CADPS2: variants seen among roughly 807,000 people sequenced by gnomAD.
CADPS2 encodes calcium dependent secretion activator 2.
In CADPS2, 93 loss-of-function variants were observed where a neutral mutation model predicts 172.5. That is an observed-to-expected ratio of 0.54 (90% CI 0.46 to 0.64). The LOEUF (loss-of-function observed/expected upper bound fraction) is 0.64. Among genes scored for constraint, CADPS2 ranks in the 30% least tolerant of loss-of-function variants. CADPS2 has a pLI of 0.00. For missense variants in CADPS2, 1,420 were observed against 1,565.9 expected, an observed-to-expected ratio of 0.91 and a Z score of 1.57; for synonymous variants, 546 against 555.2, an observed-to-expected ratio of 0.98 and a Z score of 0.23.
intron 2 of CADPS2, among the ~76,000 whole-genome samples, chr7:122,670,379 A>C (rs1048440859): frequency 6.6e-6 from 1 of 151,930 alleles, no homozygotes; most frequent in Non-Finnish European, 1.5e-5. Context: ...GGAGTTGGAG[A>C]CCAGCCTGGG....
Position 122,663,294 on chromosome 7 carries a change from A to C in CADPS2, c.729T>G (p.Phe243Leu), listed in dbSNP as rs765622664. 1 of 1,613,940 alleles carries C rather than the reference A, an allele frequency of 6.2e-7. No individual in the cohort carries two copies. Among genetic ancestry groups the C allele is most frequent in the Non-Finnish European group, 8.5e-7 (1 of 1,179,860 alleles). ...ILSKEQLYEM[F>L]QQILGIKKLE... ...GTTTTTTAATACCCAGAATCTGCTG[A>C]AACATTTCATAGAGTTGTTCCTTGC... The change falls in exon 3 of 30, where the codon TTT (phenylalanine) becomes TTG (leucine). Residue 243 changes from phenylalanine to leucine, a missense_variant. By Grantham distance (22) the Phe-to-Leu change is conservative. Coordinates refer to ENST00000449022, the MANE Select transcript of CADPS2 (RefSeq NM_017954.11).
intron 6 of CADPS2, among the ~76,000 whole-genome samples, chr7:122,604,393 C>T (rs1245130609): frequency 6.6e-6 from 1 of 152,048 alleles, no homozygotes; most frequent in Non-Finnish European, 1.5e-5. Context: ...TACTTTAATG[C>T]CCCCTTAGGA....
rs199846222 is a variant in CADPS2, at chr7:122,637,206, T to C, written c.787-7878A>G. Among the ~76,000 whole-genome samples the C allele has an allele frequency of 5.8e-3, 280 of 48,406 alleles. 11 individuals carry two copies. The East Asian group carries it at 0.076, about 13-fold the overall frequency. The allele number at this position is 48,406 out of a possible 152,430, so 31.8% of individuals were successfully genotyped here. On this transcript the variant is annotated intron_variant, in intron 3 of 29. Coordinates refer to ENST00000449022, the MANE Select transcript of CADPS2 (RefSeq NM_017954.11). ...TTTTTTTTTTTTTTTTTTTTTTTTT[T>C]TTCCTGAGACAGGGTCTCACTCTGT...
At position 122,322,961 on chromosome 7, in the gene CADPS2, A is replaced by G. The variant is rs554077854; in HGVS notation, c.3717+2516T>C. On this transcript the variant is annotated intron_variant, in intron 29 of 29. Coordinates refer to ENST00000449022, the MANE Select transcript of CADPS2 (RefSeq NM_017954.11). ...CTGCTGAACCATGCAGGCCAAGTCT[A>G]AGTGACCTGGATGGAAGGAAAGTCT... Among the ~76,000 whole-genome samples the G allele has an allele frequency of 5.9e-5, 9 of 152,300 alleles. No individual in the cohort carries two copies. The South Asian group carries it at 8.3e-4, about 14-fold the overall frequency.
chr7:122,357,419 T>C (rs1391295052), intron 27 of CADPS2: 3 of 152,184 alleles, frequency 2.0e-5, no homozygotes, highest in Non-Finnish European at 4.4e-5. Flanking sequence ...AGTGAGTTTA[T>C]CTCATACATT....
intron 1 of CADPS2, among the ~76,000 whole-genome samples, chr7:122,835,412 C>T (rs146532818): frequency 0.015 from 2,214 of 152,294 alleles, 50 homozygotes; most frequent in African/African-American, 0.051. Context: ...TCCTCGCCAG[C>T]AATGGAACAA....
chr7:122,626,766 T>C (rs996054995), intron 4 of CADPS2, among the ~76,000 whole-genome samples: 1 of 152,196 alleles, frequency 6.6e-6, no homozygotes, highest in Non-Finnish European at 1.5e-5. Context: ...TCAATAAATA[T>C]TTGGTCAATT....
intron 7 of CADPS2, among the ~76,000 whole-genome samples, chr7:122,559,790 A>T (rs2065503976): frequency 6.6e-6 from 1 of 150,934 alleles, no homozygotes; most frequent in Non-Finnish European, 1.5e-5. Flanking sequence ...AAAAAAAAAA[A>T]AAGGAAAAGA....
intron 15 of CADPS2, among the ~76,000 whole-genome samples, chr7:122,451,110 G>A (rs1231605775): frequency 6.6e-6 from 1 of 152,122 alleles, no homozygotes; most frequent in Admixed American, 6.6e-5. Context: ...GACTATGCAA[G>A]AATGAGAAAT....
chr7:122,501,268 A>G (rs1424285213), intron 9 of CADPS2, among the ~76,000 whole-genome samples: 1 of 152,066 alleles, frequency 6.6e-6, no homozygotes, highest in Non-Finnish European at 1.5e-5. Context: ...ACAAAACAAA[A>G]AAAACATTAT....
At chr7:122,671,575 C>A (rs1237859902) in intron 2 of CADPS2, among the ~76,000 whole-genome samples, 2 of 151,700 alleles carry the variant, frequency 1.3e-5, no homozygotes, top group Admixed American at 6.6e-5. Context: ...AAAAAAAAAA[C>A]TACTACTACT....
chr7:122,387,753 ATC>A (rs1324670755), intron 23 of CADPS2, among the ~76,000 whole-genome samples: 1 of 152,096 alleles, frequency 6.6e-6, no homozygotes, highest in East Asian at 1.9e-4. Flanking sequence ...TTGCTGAAGT[ATC>A]CTATGAAAAT....
At chr7:122,691,950 T>C (rs1407585171) in intron 2 of CADPS2, among the ~76,000 whole-genome samples, 1 of 152,196 alleles carries the variant, frequency 6.6e-6, no homozygotes. Flanking sequence ...TAACCATTAA[T>C]AAACACAGCT....
intron 3 of CADPS2, among the ~76,000 whole-genome samples, chr7:122,642,508 T>TA (rs2077774324): frequency 6.6e-6 from 1 of 150,518 alleles, no homozygotes; most frequent in South Asian, 2.1e-4. Context: ...AAGAAAATGT[T>TA]AAACGTAGCA....
At chr7:122,625,755 ATC>A (rs143167320) in intron 4 of CADPS2, among the ~76,000 whole-genome samples, 27 of 148,646 alleles carry the variant, frequency 1.8e-4, no homozygotes, top group South Asian at 1.7e-3. Context: ...AACGCAATCA[ATC>A]TCTCTCTCTC....
At chr7:122,673,164 G>A (rs771816070) in intron 2 of CADPS2, among the ~76,000 whole-genome samples, 5 of 152,190 alleles carry the variant, frequency 3.3e-5, no homozygotes, top group Admixed American at 6.5e-5. Context: ...AAGGCGGTGC[G>A]GACCCAAAGA....
intron 8 of CADPS2, among the ~76,000 whole-genome samples, chr7:122,534,883 C>T (rs1053361154): frequency 6.6e-6 from 1 of 152,034 alleles, no homozygotes; most frequent in Non-Finnish European, 1.5e-5. Context: ...TGGCAATTAG[C>T]AGAACCTCTA....
intron 2 of CADPS2, chr7:122,699,251 A>T (rs1464687131): frequency 4.9e-6 from 1 of 205,950 alleles, no homozygotes; most frequent in East Asian, 1.1e-4. Context: ...AAATGCTGTT[A>T]TGGGTGATTT....
At chr7:122,609,523 C>T (rs2074025012) in intron 6 of CADPS2, among the ~76,000 whole-genome samples, 1 of 152,018 alleles carries the variant, frequency 6.6e-6, no homozygotes, top group South Asian at 2.1e-4. Flanking sequence ...ACAGTTTATC[C>T]ACACTCTCTT....
Sources: gnomAD v4.1 joint callset for allele counts (sites outside exome capture counted in the v4.1 genomes callset) on GRCh38, gnomAD v4.1.1 for gene constraint, MANE v1.5 for transcripts, NCBI Gene and HGNC (gene_info 2026-07-23, HGNC 2026-07-21) for gene names.